The following ERO1B variants were observed in gnomAD, a reference collection of about 807,000 sequenced individuals.
ERO1B encodes the protein ERO1-like protein beta.
ERO1B carries 49 observed loss-of-function variants against 75.3 expected under a neutral mutation model. The observed-to-expected ratio is 0.65, with a 90% confidence interval of 0.52 to 0.83. The LOEUF (loss-of-function observed/expected upper bound fraction) is 0.83, where lower values mean the gene tolerates loss of function less well. ERO1B is among the 40% of genes least tolerant of loss of function. ERO1B has a pLI of 0.00. For synonymous variants in ERO1B, 191 were observed against 192.9 expected, an observed-to-expected ratio of 0.99 and a Z score of 0.08; for missense variants, 512 against 560.1, an observed-to-expected ratio of 0.91 and a Z score of 0.87.
chr1:236,229,082 C>CA (rs1258385614), intron 10 of ERO1B, among the ~76,000 whole-genome samples: 3 of 152,224 alleles, frequency 2.0e-5, no homozygotes, highest in South Asian at 2.1e-4. Context: ...ATTTGCACAT[C>CA]AATAATGTTC....
chr1:236,224,039 A>G (rs1664221002), intron 13 of ERO1B, among the ~76,000 whole-genome samples: 1 of 152,196 alleles, frequency 6.6e-6, no homozygotes, highest in Non-Finnish European at 1.5e-5. Context: ...TAAATTTTAG[A>G]AATACAGTAC....
At chr1:236,273,916 A>C (rs1053082888) in intron 1 of ERO1B, among the ~76,000 whole-genome samples, 3 of 152,020 alleles carry the variant, frequency 2.0e-5, no homozygotes, top group Non-Finnish European at 4.4e-5. Context: ...ATGATTTCCA[A>C]AACAGTTTTA....
intron 5 of ERO1B, among the ~76,000 whole-genome samples, chr1:236,249,031 T>C (rs943659902): frequency 1.3e-5 from 2 of 151,268 alleles, no homozygotes; most frequent in Non-Finnish European, 3.0e-5. Context: ...AAATCTTTTT[T>C]TTTTTTTTTT....
chr1:236,280,833 A>T (rs1665814406), intron 1 of ERO1B, among the ~76,000 whole-genome samples: 1 of 152,186 alleles, frequency 6.6e-6, no homozygotes, highest in East Asian at 1.9e-4. Flanking sequence ...GCCTCCTTGC[A>T]GCAGGTGCAG....
intron 3 of ERO1B, 123 bp from the exon 4 acceptor site, chr1:236,252,214 T>G: frequency 1.5e-6 from 1 of 650,074 alleles, no homozygotes; most frequent in Non-Finnish European, 2.8e-6. Flanking sequence ...GGGGCAAATA[T>G]ACACTCACTC....
chr1:236,243,168 T>C (rs199994754), intron 6 of ERO1B, among the ~76,000 whole-genome samples: 1 of 152,176 alleles, frequency 6.6e-6, no homozygotes, highest in South Asian at 2.1e-4. Flanking sequence ...TTAGTCTTTT[T>C]CAGACTCAGT....
In ERO1B at chr1:236,222,874, T is replaced by C. The variant is rs147488950; in HGVS notation, c.1123-864A>G. On this transcript the variant is annotated intron_variant, in intron 13 of 15. Coordinates refer to ENST00000354619, the MANE Select transcript of ERO1B (RefSeq NM_019891.4). ...TCTACATTTGCTAATGCAGTTGTTATGGAGATGCTTACTGGATCCCTCTAT... is the reference window on the plus strand; with the variant it reads ...TCTACATTTGCTAATGCAGTTGTTACGGAGATGCTTACTGGATCCCTCTAT... 4.6e-5 allele frequency among the ~76,000 whole-genome samples: 7 copies of C among 152,314 alleles called. No individual in the cohort carries two copies. The South Asian group carries it at 1.0e-3, about 23-fold the overall frequency.
intron 5 of ERO1B, among the ~76,000 whole-genome samples, chr1:236,247,613 A>G (rs866995150): frequency 1.1e-4 from 17 of 152,094 alleles, no homozygotes; most frequent in South Asian, 2.1e-4. Flanking sequence ...CTCTGTTCAA[A>G]ACCTCCCTGT....
At chr1:236,241,481 T>G (rs1422688106) in intron 6 of ERO1B, among the ~76,000 whole-genome samples, 1 of 151,958 alleles carries the variant, frequency 6.6e-6, no homozygotes. Flanking sequence ...GGAGACAGGT[T>G]GCAGTGAGCC....
chr1:236,237,441 C>G (rs897822983), intron 6 of ERO1B, among the ~76,000 whole-genome samples: 5 of 151,980 alleles, frequency 3.3e-5, no homozygotes, highest in Admixed American at 2.6e-4. Context: ...ATTGAGATCT[C>G]TGAGAAATAC....
At chr1:236,270,040 C>A in intron 1 of ERO1B, 46 bp from the exon 2 acceptor site, 1 of 1,348,346 alleles carries the variant, frequency 7.4e-7, no homozygotes, top group African/African-American at 1.5e-5. Context: ...GATGTTTCAA[C>A]CTTAACAAAT....
intron 9 of ERO1B, among the ~76,000 whole-genome samples, chr1:236,231,894 T>C (rs1664418789): frequency 1.3e-5 from 2 of 152,130 alleles, no homozygotes; most frequent in African/African-American, 4.8e-5. Context: ...CTAAAAAATA[T>C]GGCCTCTATC....
At chr1:236,221,405 G>C (rs1251546192) in intron 14 of ERO1B, among the ~76,000 whole-genome samples, 1 of 152,022 alleles carries the variant, frequency 6.6e-6, no homozygotes, top group African/African-American at 2.4e-5. Flanking sequence ...TAATAATTTT[G>C]TCTCTTAATT....
chr1:236,255,230 G>A (rs1665134557), intron 2 of ERO1B, among the ~76,000 whole-genome samples: 2 of 151,842 alleles, frequency 1.3e-5, no homozygotes, highest in South Asian at 2.1e-4. Context: ...CACCATGCCC[G>A]GCCTCAAGGT....
chr1:236,273,962 ACTG>A (rs756806009), intron 1 of ERO1B, among the ~76,000 whole-genome samples: 18 of 149,448 alleles, frequency 1.2e-4, no homozygotes, highest in Non-Finnish European at 4.4e-5. Context: ...AATGGGACTT[ACTG>A]TTGAGCCATA....
In ERO1B at chr1:236,251,556, G is replaced by A. The variant is rs60268406; in HGVS notation, c.348+494C>T. Reference sequence around the variant, plus strand: ...GTATGATGATCTTTATTATGGATGCGCAGTAGTGAAAAACAGGAAATAAAC... The same window carrying A: ...GTATGATGATCTTTATTATGGATGCACAGTAGTGAAAAACAGGAAATAAAC... On this transcript the variant is annotated intron_variant, in intron 4 of 15. Transcript: ENST00000354619. The A allele has an allele frequency of 8.8e-5, 57 of 647,370 alleles. No individual in the cohort carries two copies. In the African/African-American group the frequency reaches 1.0e-3, roughly 11 times the overall value. The allele number at this position is 647,370 out of a possible 1,614,324, so 40.1% of individuals were successfully genotyped here.
At chr1:236,264,907 A>G (rs916496777) in intron 2 of ERO1B, among the ~76,000 whole-genome samples, 1 of 152,126 alleles carries the variant, frequency 6.6e-6, no homozygotes, top group Non-Finnish European at 1.5e-5. Flanking sequence ...TACAATGCAC[A>G]CTATCCGGGC....
At chr1:236,278,065 C>T (rs1665748368) in intron 1 of ERO1B, among the ~76,000 whole-genome samples, 1 of 152,102 alleles carries the variant, frequency 6.6e-6, no homozygotes, top group African/African-American at 2.4e-5. Context: ...TGATATTTTA[C>T]TGCTAGCTGT....
rs59891976 is a variant in ERO1B, at chr1:236,217,353, ACTGTTGGTATGAATCACAGAAAGTCCT to A, written c.*1136_*1162del. The stretch of plus-strand genomic sequence containing the variant: ...CAGATTTAGAAAATGACAGTTTAGG[ACTGTTGGTATGAATCACAGAAAGTCCT>A]CTGTTGGTATGAATCACAGAAAGTA... On this transcript the variant is annotated 3_prime_UTR_variant, in exon 16 of 16. Transcript: ENST00000354619. 0.47 allele frequency: 70,889 copies of A among 150,836 alleles called. 17,339 individuals carry two copies. The highest frequency in any genetic ancestry group is 0.88 in the East Asian group (4,449 of 5,084). The allele number at this position is 150,836 out of a possible 1,614,324, so 9.3% of individuals were successfully genotyped here. A position where few individuals can be genotyped will look rare whatever the true frequency, so the allele number is the denominator to read the frequency against.
Sources: allele counts gnomAD v4.1 joint callset (sites outside exome capture counted in the v4.1 genomes callset), GRCh38; gene constraint gnomAD v4.1.1; transcripts MANE v1.5; gene names NCBI Gene and HGNC (gene_info 2026-07-23, HGNC 2026-07-21).